Variants in SORCS3 observed in about 807,000 individuals in gnomAD.
The protein encoded by SORCS3 is VPS10 domain-containing receptor SorCS3.
In SORCS3, 57 loss-of-function variants were observed where a neutral mutation model predicts 146.3. The ratio of observed to expected loss-of-function variants is 0.39; its 90% CI spans 0.31 to 0.49. The LOEUF is 0.49. Ranked by LOEUF, SORCS3 falls within the 20% of genes least tolerant of loss-of-function variation. The pLI is 0.92. For missense variants in SORCS3, 1,341 were observed against 1,575.5 expected (o/e 0.85, Z 2.52); for synonymous variants, 653 against 618.5 (o/e 1.06, Z -0.83).
intron 3 of SORCS3, among the ~76,000 whole-genome samples, chr10:104,930,583 G>A (rs750957894): frequency 2.6e-4 from 39 of 152,176 alleles, no homozygotes; most frequent in African/African-American, 6.3e-4. Flanking sequence ...ACAATACACC[G>A]GGGTTGATGG....
chr10:105,083,318 C>T (rs1425375724), intron 5 of SORCS3, among the ~76,000 whole-genome samples: 1 of 151,748 alleles, frequency 6.6e-6, no homozygotes, highest in Non-Finnish European at 1.5e-5. Flanking sequence ...TACTCTTTTG[C>T]AGACATTAAG....
intron 7 of SORCS3, among the ~76,000 whole-genome samples, chr10:105,107,728 G>A (rs1256446843): frequency 6.6e-6 from 1 of 152,150 alleles, no homozygotes; most frequent in African/African-American, 2.4e-5. Context: ...TGCCTTAGTG[G>A]CATTTAATTC....
intron 1 of SORCS3, among the ~76,000 whole-genome samples, chr10:104,694,342 A>C (rs192803992): frequency 2.0e-5 from 3 of 151,720 alleles, no homozygotes; most frequent in African/African-American, 7.2e-5. Context: ...AGATGGTTCA[A>C]ATCCTACCTC....
intron 3 of SORCS3, among the ~76,000 whole-genome samples, chr10:104,944,051 T>C (rs1193253848): frequency 6.6e-6 from 1 of 152,162 alleles, no homozygotes; most frequent in Non-Finnish European, 1.5e-5. Flanking sequence ...CCCAAGTGCA[T>C]GCCACCACAC....
intron 7 of SORCS3, among the ~76,000 whole-genome samples, chr10:105,134,787 A>G (rs1298755105): frequency 6.6e-6 from 1 of 152,046 alleles, no homozygotes; most frequent in Non-Finnish European, 1.5e-5. Flanking sequence ...CACATGCAAA[A>G]TATGTTCGTT....
chr10:105,237,438 G>A (rs575043789), intron 20 of SORCS3, among the ~76,000 whole-genome samples: 11 of 152,292 alleles, frequency 7.2e-5, no homozygotes, highest in Non-Finnish European at 1.5e-4. Context: ...CCCATCATTT[G>A]CATTAATAGC....
At position 105,116,244 on chromosome 10, in the gene SORCS3, C is replaced by T. The variant is rs769341559; in HGVS notation, c.1212+10729C>T. On this transcript the variant is annotated intron_variant, in intron 7 of 26. Transcript: ENST00000369701. ...ATGTTTGCCTCAGCTACTAGCTTTG[C>T]GCAGAGGTGACCTGCTATCACCTTG... 3.9e-5 allele frequency among the ~76,000 whole-genome samples: 6 copies of T among 152,186 alleles called. No individual in the cohort carries two copies. The South Asian group carries it at 6.2e-4, about 16-fold the overall frequency.
At chr10:104,804,543 A>G (rs995821485) in intron 1 of SORCS3, among the ~76,000 whole-genome samples, 1 of 152,192 alleles carries the variant, frequency 6.6e-6, no homozygotes, top group African/African-American at 2.4e-5. Flanking sequence ...CTGCATTGCA[A>G]AGATACAGAG....
intron 2 of SORCS3, among the ~76,000 whole-genome samples, chr10:104,850,615 T>G (rs1438632170): frequency 2.0e-5 from 3 of 152,184 alleles, no homozygotes; most frequent in Non-Finnish European, 2.9e-5. Flanking sequence ...TGGTTGATTC[T>G]GATCCTAGGT....
chr10:104,903,379 G>C (rs903781224), intron 2 of SORCS3, among the ~76,000 whole-genome samples: 1 of 152,134 alleles, frequency 6.6e-6, no homozygotes, highest in Non-Finnish European at 1.5e-5. Flanking sequence ...GTGAGGACAA[G>C]AGACTATGGA....
At chr10:105,011,629 G>A (rs2055136709) in intron 4 of SORCS3, among the ~76,000 whole-genome samples, 1 of 152,150 alleles carries the variant, frequency 6.6e-6, no homozygotes, top group African/African-American at 2.4e-5. Flanking sequence ...AGGTGAGGTA[G>A]TGTGTCTCCA....
At chr10:104,912,730 G>A (rs964950400) in intron 2 of SORCS3, among the ~76,000 whole-genome samples, 7 of 152,212 alleles carry the variant, frequency 4.6e-5, no homozygotes, top group Non-Finnish European at 7.3e-5. Context: ...CACTGGAGCT[G>A]TTAAAAACAT....
chr10:104,955,130 A>G (rs1277588696), intron 3 of SORCS3, among the ~76,000 whole-genome samples: 1 of 152,162 alleles, frequency 6.6e-6, no homozygotes. Context: ...AGAGCATTTT[A>G]TCACCCCCAA....
intron 1 of SORCS3, among the ~76,000 whole-genome samples, chr10:104,797,838 T>G (rs1432953886): frequency 6.6e-6 from 1 of 152,020 alleles, no homozygotes; most frequent in Non-Finnish European, 1.5e-5. Context: ...TCTTGGGAGA[T>G]TAGAGAAAAA....
chr10:104,754,446 C>A (rs988509865), intron 1 of SORCS3, among the ~76,000 whole-genome samples: 9 of 152,138 alleles, frequency 5.9e-5, no homozygotes, highest in African/African-American at 2.2e-4. Flanking sequence ...TATACTGTAA[C>A]CTTTAGAGGG....
intron 16 of SORCS3, among the ~76,000 whole-genome samples, chr10:105,206,552 A>G (rs930691369): frequency 6.6e-6 from 1 of 152,202 alleles, no homozygotes; most frequent in Non-Finnish European, 1.5e-5. Context: ...CTGAGGAAGA[A>G]AAGGAAAATA....
At chr10:105,117,461 T>A (rs1224019085) in intron 7 of SORCS3, among the ~76,000 whole-genome samples, 1 of 152,162 alleles carries the variant, frequency 6.6e-6, no homozygotes, top group Non-Finnish European at 1.5e-5. Flanking sequence ...GATTCCTCAA[T>A]CTAAACATCC....
chr10:104,643,193 T>C (rs1293912238), intron 1 of SORCS3, among the ~76,000 whole-genome samples: 2 of 152,186 alleles, frequency 1.3e-5, no homozygotes, highest in African/African-American at 4.8e-5. Context: ...GGGGAACTGA[T>C]TTGATAGGAA....
chr10:105,106,470 C>G (rs1235955415), intron 7 of SORCS3, among the ~76,000 whole-genome samples: 1 of 152,194 alleles, frequency 6.6e-6, no homozygotes, highest in African/African-American at 2.4e-5. Flanking sequence ...AGCACACAGG[C>G]TATCAATGGA....
Sources: gnomAD v4.1 joint callset for allele counts (sites outside exome capture counted in the v4.1 genomes callset) on GRCh38, gnomAD v4.1.1 for gene constraint, MANE v1.5 for transcripts, NCBI Gene and HGNC (gene_info 2026-07-23, HGNC 2026-07-21) for gene names.